C12orf76: variants seen among roughly 807,000 people sequenced by gnomAD.
The protein encoded by C12orf76 is uncharacterized protein C12orf76.
In C12orf76, 6 loss-of-function variants were observed where a neutral mutation model predicts 6.8. The observed-to-expected ratio is 0.88, with a 90% CI of 0.48 to 1.73. The LOEUF is 1.73. Among genes scored for constraint, C12orf76 ranks in the 40% most tolerant of loss-of-function variants. The pLI is 0.01. For missense variants in C12orf76, 99 were observed against 98.2 expected, an observed-to-expected ratio of 1.01 and a Z score of -0.03; for synonymous variants, 56 against 43.7, an observed-to-expected ratio of 1.28 and a Z score of -1.11.
At chr12:110,051,461 C>G (rs943584729), upstream of C12orf76, among the ~76,000 whole-genome samples, 3 of 151,928 alleles carry the variant, frequency 2.0e-5, no homozygotes, top group Non-Finnish European at 2.9e-5. Flanking sequence ...GAGTCTTGCT[C>G]TGTCGCCCAG....
intron 3 of C12orf76, among the ~76,000 whole-genome samples, chr12:110,057,628 C>T (rs970948449): frequency 3.9e-5 from 6 of 152,252 alleles, no homozygotes; most frequent in Middle Eastern, 3.4e-3. Flanking sequence ...AGTTAAATCC[C>T]AATTATATTA....
upstream of C12orf76, among the ~76,000 whole-genome samples, chr12:110,053,976 A>G (rs1892628042): frequency 6.6e-6 from 1 of 152,048 alleles, no homozygotes; most frequent in African/African-American, 2.4e-5. Flanking sequence ...GATGGAGGCC[A>G]AGGTGGGAGG....
chr12:110,047,916 A>G (rs1455077482), intron 1 of C12orf76, among the ~76,000 whole-genome samples: 4 of 152,204 alleles, frequency 2.6e-5, no homozygotes, highest in African/African-American at 9.6e-5. Flanking sequence ...GAGGACCCAG[A>G]ATGAGACCCA....
Position 110,054,483 on chromosome 12 carries a change from T to A in C12orf76, n.664+2706A>T, listed in dbSNP as rs1892636787. On this transcript the variant is annotated intron_variant and non_coding_transcript_variant, in intron 4 of 4. Coordinates refer to the C12orf76 transcript ENST00000309050. The surrounding 1 kb of genome is among the most constrained non-coding windows in gnomAD (Gnocchi z 4.4). ...CACATATTGATTGACTCCATTTATA[T>A]GAAATACCCAGAATAGGTAAATCCA... 6.6e-6 allele frequency among the ~76,000 whole-genome samples: 1 copy of A among 152,218 alleles called. No homozygotes were observed. Among genetic ancestry groups the A allele is most frequent in the Admixed American group, 6.5e-5 (1 of 15,274 alleles).
intron 2 of C12orf76, among the ~76,000 whole-genome samples, chr12:110,060,612 C>T (rs1377350491): frequency 6.6e-6 from 1 of 152,146 alleles, no homozygotes; most frequent in Non-Finnish European, 1.5e-5. Flanking sequence ...GCACTCCCAC[C>T]CCTTAAAGGT....
At chr12:110,053,255 T>C (rs1339858580), upstream of C12orf76, among the ~76,000 whole-genome samples, 1 of 151,402 alleles carries the variant, frequency 6.6e-6, no homozygotes, top group Non-Finnish European at 1.5e-5. Context: ...TCCCAGCACC[T>C]TGGGAGGCCG....
exon 3 of C12orf76, chr12:110,059,091 C>T (rs368206989): frequency 3.9e-6 from 6 of 1,551,686 alleles, no homozygotes; most frequent in Admixed American, 2.0e-5. Context: ...CCATCTGGCT[C>T]CACAGCCTCA....
At chr12:110,062,937 C>A (rs545402633) in intron 2 of C12orf76, among the ~76,000 whole-genome samples, 9 of 151,354 alleles carry the variant, frequency 5.9e-5, no homozygotes, top group Admixed American at 5.9e-4. Flanking sequence ...ACCCCTGCAG[C>A]GGGCTGAATA....
upstream of C12orf76, among the ~76,000 whole-genome samples, chr12:110,052,108 T>C (rs9739637): frequency 2.0e-5 from 3 of 149,398 alleles, no homozygotes; most frequent in Non-Finnish European, 4.5e-5. Context: ...GTATTGGCTA[T>C]GATGGTCTCG....
chr12:110,073,626 C>T, exon 1 of C12orf76: 2 of 418,382 alleles, frequency 4.8e-6, no homozygotes, highest in Admixed American at 2.9e-5. Context: ...CTCCCAGTAA[C>T]TGCAAAATGA....
intron 2 of C12orf76, among the ~76,000 whole-genome samples, chr12:110,061,147 C>G (rs540343012): frequency 2.0e-5 from 3 of 151,500 alleles, no homozygotes; most frequent in Non-Finnish European, 2.9e-5. Context: ...ACCACCTATT[C>G]AACATCTACA....
chr12:110,048,310 A>G (rs968684934), intron 1 of C12orf76, 53 bp downstream of exon 1: 28 of 1,447,762 alleles, frequency 1.9e-5, no homozygotes, highest in Non-Finnish European at 2.5e-5. Context: ...CAGCACCCGG[A>G]GCAGTGAAAG....
chr12:110,057,408 C>G lies in C12orf76; in HGVS notation n.557-112G>C, dbSNP rs538852780. The G allele has an allele frequency of 6.8e-5, 49 of 715,418 alleles. No homozygotes were observed. In the African/African-American group the frequency reaches 7.6e-4, roughly 11 times the overall value. 44.3% of individuals were successfully genotyped at this position (715,418 alleles called of 1,614,324 possible). ...GGCCAACAGACATCTTCATGGACCC[C>G]TAAAGAACAGTGGCGCCGGGCACTG... On this transcript the variant is annotated intron_variant and non_coding_transcript_variant, in intron 3 of 4. Transcript: ENST00000309050.
At chr12:110,047,072 G>C (rs1011401823) in intron 1 of C12orf76, among the ~76,000 whole-genome samples, 1 of 152,190 alleles carries the variant, frequency 6.6e-6, no homozygotes, top group Admixed American at 6.5e-5. Context: ...AGTTCATGTA[G>C]AGTCAAGATA....
chr12:110,066,982 G>C (rs111879372), intron 1 of C12orf76, among the ~76,000 whole-genome samples: 5 of 152,346 alleles, frequency 3.3e-5, no homozygotes, highest in African/African-American at 1.2e-4. Context: ...CTGGGCAGAG[G>C]AGAAGCAGCA....
At chr12:110,048,338 G>T in intron 1 of C12orf76, 25 bp downstream of exon 1, 1 of 1,479,264 alleles carries the variant, frequency 6.8e-7, no homozygotes, top group Non-Finnish European at 8.9e-7. Flanking sequence ...ACTACCCGCC[G>T]CCCGCCAGCC....
upstream of C12orf76, among the ~76,000 whole-genome samples, chr12:110,070,668 G>A (rs1892951100): frequency 6.6e-6 from 1 of 152,198 alleles, no homozygotes; most frequent in South Asian, 2.1e-4. Context: ...TGTAATCCCT[G>A]TATTAATGCA....
chr12:110,048,604 T>C, upstream of C12orf76: 1 of 1,314,810 alleles, frequency 7.6e-7, no homozygotes, highest in South Asian at 2.1e-5. Context: ...CGCGCGTCAT[T>C]GCCATGGTAA....
intron 1 of C12orf76, among the ~76,000 whole-genome samples, chr12:110,043,120 G>T (rs567257878): frequency 6.6e-6 from 1 of 152,094 alleles, no homozygotes; most frequent in African/African-American, 2.4e-5. Context: ...GGCTCTGCAG[G>T]GAGCATGCTG....
Sources: gnomAD v4.1 joint callset for allele counts (sites outside exome capture counted in the v4.1 genomes callset) on GRCh38, gnomAD v4.1.1 for gene constraint, Gnocchi (gnomAD v3.1) non-coding constraint, MANE v1.5 for transcripts, NCBI Gene and HGNC (gene_info 2026-07-23, HGNC 2026-07-21) for gene names.